The following CACNA1D variants were observed in gnomAD, a reference collection of about 807,000 sequenced individuals.
The protein encoded by CACNA1D is voltage-dependent L-type calcium channel subunit alpha-1D.
A neutral mutation model predicts 257.1 loss-of-function variants in CACNA1D; 55 were observed. That is an observed-to-expected ratio of 0.21 (90% CI 0.17 to 0.27). The LOEUF (loss-of-function observed/expected upper bound fraction) is 0.27. CACNA1D is among the 10% of genes least tolerant of loss of function. The pLI, the probability that CACNA1D is intolerant of heterozygous loss-of-function variation, is 1.00. For synonymous variants in CACNA1D, 980 were observed against 1,014.9 expected, an observed-to-expected ratio of 0.97 and a Z score of 0.65; for missense variants, 1,876 against 2,784.0, an observed-to-expected ratio of 0.67 and a Z score of 7.34.
At chr3:53,697,356 C>G (rs2094582069) in intron 8 of CACNA1D, among the ~76,000 whole-genome samples, 1 of 152,138 alleles carries the variant, frequency 6.6e-6, no homozygotes, top group South Asian at 2.1e-4. Flanking sequence ...ATTTTTTGTA[C>G]ATAGCCTTCC....
intron 8 of CACNA1D, among the ~76,000 whole-genome samples, chr3:53,676,102 CT>C (rs2094373818): frequency 6.6e-6 from 1 of 152,166 alleles, no homozygotes. Context: ...CGGCCTTGTG[CT>C]TAGGCGTTCA....
intron 9 of CACNA1D, among the ~76,000 whole-genome samples, chr3:53,713,560 A>G (rs920047479): frequency 6.9e-6 from 1 of 144,564 alleles, no homozygotes; most frequent in South Asian, 2.1e-4. Context: ...TTTGCCTCCA[A>G]ATTCACAAGC....
chr3:53,573,110 T>C (rs952558239), intron 3 of CACNA1D, among the ~76,000 whole-genome samples: 1 of 152,252 alleles, frequency 6.6e-6, no homozygotes, highest in African/African-American at 2.4e-5. Context: ...GTCGCCTCTG[T>C]TAGGCCTTCA....
intron 3 of CACNA1D, among the ~76,000 whole-genome samples, chr3:53,573,115 C>A (rs986685978): frequency 1.3e-5 from 2 of 152,176 alleles, no homozygotes; most frequent in African/African-American, 4.8e-5. Context: ...CTCTGTTAGG[C>A]CTTCATGGAT....
chr3:53,598,603 A>G (rs1576029395), intron 3 of CACNA1D, among the ~76,000 whole-genome samples: 1 of 151,922 alleles, frequency 6.6e-6, no homozygotes, highest in East Asian at 1.9e-4. Flanking sequence ...AAAAAAAAAA[A>G]GAAAACCAAA....
At chr3:53,578,361 A>G (rs1325830871) in intron 3 of CACNA1D, among the ~76,000 whole-genome samples, 1 of 152,120 alleles carries the variant, frequency 6.6e-6, no homozygotes, top group Non-Finnish European at 1.5e-5. Context: ...GTGGCCCAGC[A>G]GAGGTGAGGG....
rs531560590 is a variant in CACNA1D at position 53,751,332 on chromosome 3, G to A, written c.3517-417G>A. 6.6e-6 allele frequency among the ~76,000 whole-genome samples: 1 copy of A among 152,230 alleles called. No homozygotes were observed. Among genetic ancestry groups the A allele is most frequent in the South Asian group, 2.1e-4 (1 of 4,836 alleles). ...TTTCCTGGAGGACAGCACAGGCAGG[G>A]GAACTATAGGTGTGATCCACCTATA... On this transcript the variant is annotated intron_variant, in intron 27 of 47. Transcript: ENST00000350061. The surrounding 1 kb of genome is among the most constrained non-coding windows in gnomAD (Gnocchi z 4.3).
At chr3:53,577,717 A>G (rs981440837) in intron 3 of CACNA1D, among the ~76,000 whole-genome samples, 1 of 152,052 alleles carries the variant, frequency 6.6e-6, no homozygotes. Context: ...CGCCCTGGAG[A>G]TGTGAGGGCT....
intron 3 of CACNA1D, among the ~76,000 whole-genome samples, chr3:53,535,626 C>T (rs1559804996): frequency 6.6e-6 from 1 of 151,966 alleles, no homozygotes; most frequent in East Asian, 1.9e-4. Flanking sequence ...TTTGAGGTTG[C>T]AAAAAGCAAA....
intron 3 of CACNA1D, among the ~76,000 whole-genome samples, chr3:53,517,655 T>G (rs574130117): frequency 1.5e-4 from 23 of 152,218 alleles, no homozygotes; most frequent in African/African-American, 5.3e-4. Context: ...AGCTAATTTT[T>G]GTATTTTTAG....
chr3:53,687,678 G>C (rs1040470733), intron 8 of CACNA1D, among the ~76,000 whole-genome samples: 6 of 152,042 alleles, frequency 3.9e-5, no homozygotes, highest in African/African-American at 1.4e-4. Context: ...TCAAAGACTA[G>C]AAATTTAAAG....
intron 5 of CACNA1D, among the ~76,000 whole-genome samples, chr3:53,663,085 TA>T (rs2094221337): frequency 6.6e-6 from 1 of 152,202 alleles, no homozygotes. Flanking sequence ...CCCAGAGTTT[TA>T]GTTGTAATAG....
At chr3:53,552,845 C>T (rs1369826320) in intron 3 of CACNA1D, among the ~76,000 whole-genome samples, 3 of 152,212 alleles carry the variant, frequency 2.0e-5, no homozygotes, top group African/African-American at 7.2e-5. Flanking sequence ...TAAGGATTTC[C>T]TTCCATCCTA....
At position 53,743,021 on chromosome 3, in the gene CACNA1D, T is replaced by G. The variant is rs747516244; in HGVS notation, c.2822T>G (p.Phe941Cys). ...TGATTCTGCTTCTAGATGACAACTT[T>G]TGGAGCTTTCCTCCACAAAGGGGCC... is the stretch of plus-strand genomic sequence containing the variant. ...TVEILLKMTTFGAFLHKGAFC... is the reference protein window; with the variant it reads ...TVEILLKMTTCGAFLHKGAFC... Residue 941 changes from phenylalanine (F) to cysteine (C), a missense_variant, in exon 22 of 48, where the codon TTT (phenylalanine) becomes TGT (cysteine). This residue lies in a region of CACNA1D where 271 missense variants were observed against 425.5 expected (regional missense o/e 0.64). Coordinates refer to ENST00000350061, the MANE Select transcript of CACNA1D (RefSeq NM_001128840.3). The G allele has an allele frequency of 6.2e-7, 1 of 1,610,920 alleles. No homozygotes were observed. Among genetic ancestry groups the G allele is most frequent in the South Asian group, 1.1e-5 (1 of 91,010 alleles).
At chr3:53,605,515 T>C (rs2093498062) in intron 3 of CACNA1D, among the ~76,000 whole-genome samples, 1 of 152,246 alleles carries the variant, frequency 6.6e-6, no homozygotes, top group Non-Finnish European at 1.5e-5. Context: ...ACAGCATTTC[T>C]ATAAGGATAA....
chr3:53,802,232 C>T, intron 43 of CACNA1D, 59 bp downstream of exon 43: 2 of 1,300,068 alleles, frequency 1.5e-6, no homozygotes, highest in Non-Finnish European at 2.2e-6. Flanking sequence ...ACCAGCTGGC[C>T]TCTCTGAGTG....
At chr3:53,506,076 C>G (rs2090833781) in intron 3 of CACNA1D, among the ~76,000 whole-genome samples, 1 of 152,200 alleles carries the variant, frequency 6.6e-6, no homozygotes, top group Non-Finnish European at 1.5e-5. Flanking sequence ...AACCTGGCTC[C>G]TTGGGCTTAG....
At chr3:53,554,151 G>A (rs1195984323) in intron 3 of CACNA1D, among the ~76,000 whole-genome samples, 1 of 151,050 alleles carries the variant, frequency 6.6e-6, no homozygotes, top group Non-Finnish European at 1.5e-5. Context: ...AGCCAAGATG[G>A]CACCATTGCA....
intron 29 of CACNA1D, among the ~76,000 whole-genome samples, chr3:53,756,046 G>C (rs886701229): frequency 6.6e-6 from 1 of 152,310 alleles, no homozygotes; most frequent in Middle Eastern, 3.4e-3. Flanking sequence ...TCATGGCAGA[G>C]TTCTCCACTG....
Sources: gnomAD v4.1 joint callset for allele counts (sites outside exome capture counted in the v4.1 genomes callset) on GRCh38, gnomAD v4.1.1 for gene constraint, gnomAD v4.1.1 regional missense constraint, Gnocchi (gnomAD v3.1) non-coding constraint, MANE v1.5 for transcripts, NCBI Gene and HGNC (gene_info 2026-07-23, HGNC 2026-07-21) for gene names.